The following ZBBX variants were observed in gnomAD, a reference collection of about 807,000 sequenced individuals.
ZBBX encodes zinc finger B-box domain-containing protein 1.
Under a neutral mutation model 108.5 loss-of-function variants are expected in ZBBX, and 101 were observed. The observed-to-expected ratio is 0.93, with a 90% CI of 0.79 to 1.10. The LOEUF (loss-of-function observed/expected upper bound fraction) is 1.10. Among genes scored for constraint, ZBBX ranks in the 50% least tolerant of loss-of-function variants. The pLI, the probability that ZBBX is intolerant of heterozygous loss-of-function variation, is 0.00. For missense variants in ZBBX, 1,009 were observed against 941.4 expected (o/e 1.07, Z -0.94); for synonymous variants, 356 against 323.4 (o/e 1.10, Z -1.08).
Position 167,307,405 on chromosome 3 carries a change from G to A in ZBBX, c.1418-1455C>T, listed in dbSNP as rs542936292. On this transcript the variant is annotated intron_variant, in intron 16 of 21. Transcript: ENST00000675490. ...CTTAAGCCCAGAAGCTTCTTAAGCT[G>A]ATAACTTTGGCAAAGTCTCAGAATA... Among the ~76,000 whole-genome samples the A allele has an allele frequency of 1.1e-4, 16 of 152,254 alleles. No homozygotes were observed. In the South Asian group the frequency reaches 3.3e-3, roughly 32 times the overall value.
rs763262674 is a variant in ZBBX, at chr3:167,322,155, TA to T, written c.944del (p.Leu315HisfsTer65). ...PLNIELKEDI[L>X]SYMEKLWLKK... is the part of the protein sequence containing the mutation. Reference sequence around the variant, plus strand: ...TAAGCCATAATTTTTCCATATAGGATAGAATGTCTTCTTTAAGTTCAATATT... The same window carrying T: ...TAAGCCATAATTTTTCCATATAGGATGAATGTCTTCTTTAAGTTCAATATT... On this transcript the variant is annotated frameshift_variant, in exon 12 of 22. Transcript: ENST00000675490. LOFTEE classifies it high-confidence loss of function. 4 of 1,427,308 alleles carry T rather than the reference TA, an allele frequency of 2.8e-6. No homozygotes were observed. In the Admixed American group the frequency reaches 6.9e-5, roughly 24 times the overall value. The allele number at this position is 1,427,308 out of a possible 1,614,324, so 88.4% of individuals were successfully genotyped here. A position where few individuals can be genotyped will look rare whatever the true frequency, so the allele number is the denominator to read the frequency against.
chr3:167,214,195 C>T, the ZBBX span, among the ~76,000 whole-genome samples: 8 of 152,138 alleles, frequency 5.3e-5, no homozygotes, highest in South Asian at 2.1e-4. Flanking sequence ...GCACTAAATG[C>T]CCCACTTAAA....
chr3:167,284,114 G>A (rs1473986846), intron 19 of ZBBX, among the ~76,000 whole-genome samples: 1 of 151,352 alleles, frequency 6.6e-6, no homozygotes, highest in Non-Finnish European at 1.5e-5. Context: ...AAATAAGACT[G>A]ATCTTTTGTG....
At chr3:167,188,321 G>A in the ZBBX span, among the ~76,000 whole-genome samples, 4 of 152,092 alleles carry the variant, frequency 2.6e-5, no homozygotes, top group African/African-American at 7.2e-5. Context: ...TATAAAATAT[G>A]TATTTTTAAA....
intron 16 of ZBBX, among the ~76,000 whole-genome samples, chr3:167,311,975 C>T (rs1360463173): frequency 2.0e-5 from 3 of 152,104 alleles, no homozygotes; most frequent in Non-Finnish European, 2.9e-5. Flanking sequence ...CAATAAAAAC[C>T]CATACATGAA....
the ZBBX span, among the ~76,000 whole-genome samples, chr3:167,205,194 T>C: frequency 2.3e-3 from 355 of 152,196 alleles, 2 homozygotes; most frequent in African/African-American, 7.9e-3. Context: ...AACTTTTCCA[T>C]AGAAGGTCTA....
chr3:167,247,675 T>A (rs1472214293), intron 20 of ZBBX, among the ~76,000 whole-genome samples: 2 of 152,086 alleles, frequency 1.3e-5, no homozygotes, highest in African/African-American at 4.8e-5. Flanking sequence ...TAAGTGTCTA[T>A]CTGTATGATC....
At chr3:167,246,430 G>A (rs6770878) in intron 20 of ZBBX, among the ~76,000 whole-genome samples, 48,927 of 152,004 alleles carry the variant, frequency 0.32, 8,344 homozygotes, top group East Asian at 0.65. Context: ...CAGTTACTCA[G>A]AAAGCCACTG....
At chr3:167,225,774 T>A in the ZBBX span, among the ~76,000 whole-genome samples, 2 of 151,800 alleles carry the variant, frequency 1.3e-5, no homozygotes, top group African/African-American at 4.8e-5. Flanking sequence ...CAGTACTCCA[T>A]CACCTGGGAT....
At chr3:167,376,863 C>G (rs1194081353) in intron 2 of ZBBX, among the ~76,000 whole-genome samples, 1 of 152,076 alleles carries the variant, frequency 6.6e-6, no homozygotes, top group African/African-American at 2.4e-5. Flanking sequence ...TTTTGTAAAG[C>G]CAACAGAGAA....
At chr3:167,225,240 C>A in the ZBBX span, among the ~76,000 whole-genome samples, 1 of 151,834 alleles carries the variant, frequency 6.6e-6, no homozygotes, top group Non-Finnish European at 1.5e-5. Flanking sequence ...ACTGCTGCTG[C>A]CATGAGTTAT....
At chr3:167,235,127 A>G (rs1014423918), downstream of ZBBX, among the ~76,000 whole-genome samples, 1 of 151,730 alleles carries the variant, frequency 6.6e-6, no homozygotes, top group African/African-American at 2.4e-5. Flanking sequence ...TGTTTCTTGG[A>G]ATACACAATT....
At chr3:167,287,350 G>T (rs771509266) in intron 19 of ZBBX, among the ~76,000 whole-genome samples, 11 of 152,024 alleles carry the variant, frequency 7.2e-5, no homozygotes, top group Non-Finnish European at 1.5e-4. Flanking sequence ...TTGTTGTTCA[G>T]AAAATAAATG....
At chr3:167,182,529 C>T in the ZBBX span, among the ~76,000 whole-genome samples, 2 of 152,196 alleles carry the variant, frequency 1.3e-5, no homozygotes, top group African/African-American at 2.4e-5. Flanking sequence ...CTAATGCACA[C>T]TCCTCTAAGC....
intron 8 of ZBBX, among the ~76,000 whole-genome samples, chr3:167,353,411 G>A (rs1458122277): frequency 6.6e-6 from 1 of 152,014 alleles, no homozygotes; most frequent in Non-Finnish European, 1.5e-5. Context: ...AATACTGCAT[G>A]TATTACTTGT....
chr3:167,261,115 C>T (rs1167086339), intron 20 of ZBBX, among the ~76,000 whole-genome samples: 1 of 152,170 alleles, frequency 6.6e-6, no homozygotes, highest in Non-Finnish European at 1.5e-5. Flanking sequence ...GGTCTAGCCA[C>T]CCAGAGAGTC....
At chr3:167,360,885 TATGTACCTTTTA>T (rs1744399337) in intron 6 of ZBBX, among the ~76,000 whole-genome samples, 162 bp from the exon 7 acceptor site, 1 of 151,926 alleles carries the variant, frequency 6.6e-6, no homozygotes, top group Non-Finnish European at 1.5e-5. Context: ...TTAAAGCATA[TATGTACCTTTTA>T]ATTAATCTAA....
chr3:167,271,876 C>A (rs375080501), intron 20 of ZBBX, among the ~76,000 whole-genome samples: 1 of 152,092 alleles, frequency 6.6e-6, no homozygotes, highest in Non-Finnish European at 1.5e-5. Context: ...TCAAATGCAA[C>A]GGCCAATAAT....
chr3:167,281,275 TA>T (rs1450851531), intron 20 of ZBBX, among the ~76,000 whole-genome samples: 2 of 152,160 alleles, frequency 1.3e-5, no homozygotes, highest in Non-Finnish European at 2.9e-5. Flanking sequence ...AATAAATAAG[TA>T]AAAAATGATT....
Sources: allele counts gnomAD v4.1 joint callset (sites outside exome capture counted in the v4.1 genomes callset), GRCh38; gene constraint gnomAD v4.1.1; transcripts MANE v1.5; gene names NCBI Gene and HGNC (gene_info 2026-07-23, HGNC 2026-07-21).